Variants in ABCA3 observed in about 807,000 individuals in gnomAD.
The protein encoded by ABCA3 is phospholipid-transporting ATPase ABCA3.
Under a neutral mutation model 172.8 loss-of-function variants are expected in ABCA3, and 88 were observed. The observed-to-expected ratio is 0.51, with a 90% CI of 0.43 to 0.61. ABCA3 has a LOEUF of 0.61. Ranked by LOEUF, ABCA3 falls within the 20% of genes least tolerant of loss-of-function variation. The pLI, the probability that ABCA3 is intolerant of heterozygous loss-of-function variation, is 0.00. For missense variants in ABCA3, 2,164 were observed against 2,301.0 expected (o/e 0.94, Z 1.22); for synonymous variants, 1,066 against 983.8 (o/e 1.08, Z -1.56).
chr16:2,308,455 G>A lies in ABCA3; in HGVS notation c.1280C>T (p.Ala427Val), dbSNP rs772668103. The A allele has an allele frequency of 6.8e-6, 11 of 1,614,110 alleles. No homozygotes were observed. The highest frequency in any genetic ancestry group is 4.5e-5 in the East Asian group (2 of 44,884). Residue 427 changes from alanine (A) to valine (V), a missense_variant, in exon 11 of 33, where the codon GCG (alanine) becomes GTG (valine). By Grantham distance (64) the Ala-to-Val change is moderately conservative. This residue lies in a region of ABCA3 where 1,343 missense variants were observed against 1,369.6 expected (regional missense o/e 0.98). Transcript: ENST00000301732. ...TGGACAAGGCAAACACTCACCTTTC[G>A]CCTCAAATTTCCCAATGAGCTGGGC... ...MGAQLIGKFEAKGMGIQWRDL... is the reference protein window; with the variant it reads ...MGAQLIGKFEVKGMGIQWRDL...
intron 8 of ABCA3, among the ~76,000 whole-genome samples, chr16:2,318,756 G>A (rs1027598399): frequency 1.3e-4 from 20 of 152,010 alleles, no homozygotes; most frequent in African/African-American, 4.3e-4. Context: ...CAAGTGATCC[G>A]CCCACCTCGA....
Position 2,281,177 on chromosome 16 carries a change from G to A in ABCA3, c.4209C>T (p.Ser1403=). ...AGCACTCCCCTTTCTGCACCGCGAG[G>A]GAGAGCCTGTCCACGGCCAGGAGGG... ...RVPLLAVDRL[S]LAVQKGECFG... Residue 1403 remains serine, a synonymous_variant, in exon 28 of 33, where the codon TCC becomes TCT. Coordinates refer to ENST00000301732, the MANE Select transcript of ABCA3 (RefSeq NM_001089.3). This position sits in a 1 kb window ranked among gnomAD's most constrained non-coding sequence, Gnocchi z 4.7. The A allele has an allele frequency of 6.2e-7, 1 of 1,613,688 alleles. No homozygotes were observed. The highest frequency in any genetic ancestry group is 8.5e-7 in the Non-Finnish European group (1 of 1,180,024).
At chr16:2,337,445 G>A (rs536399331) in intron 1 of ABCA3, among the ~76,000 whole-genome samples, 1 of 150,470 alleles carries the variant, frequency 6.6e-6, no homozygotes, top group Admixed American at 6.6e-5. Flanking sequence ...TGTGATCATG[G>A]CTCACTGTAG....
rs780631071 is a variant in ABCA3, at chr16:2,317,412, C to A, written c.991-9G>T. 1.2e-6 allele frequency: 2 copies of A among 1,613,584 alleles called. No homozygotes were observed. The highest frequency in any genetic ancestry group is 1.7e-6 in the Non-Finnish European group (2 of 1,180,006). On this transcript the variant is annotated splice_polypyrimidine_tract_variant and intron_variant, in intron 9 of 32. Coordinates refer to ENST00000301732, the MANE Select transcript of ABCA3 (RefSeq NM_001089.3). The stretch of plus-strand genomic sequence containing the variant: ...GCTACATTTGGCTTCACCTGCAGGG[C>A]ACAGGCATGAGTCGGGCGTGGTGGG...
chr16:2,298,589 C>T, intron 14 of ABCA3, 49 bp from the exon 15 acceptor site: 1 of 1,605,318 alleles, frequency 6.2e-7, no homozygotes, highest in Non-Finnish European at 8.5e-7. Context: ...TCCTGCTCGT[C>T]AGCACCCGCG....
chr16:2,323,659 T>C lies in ABCA3; in HGVS notation c.477A>G (p.Thr159=). The C allele has an allele frequency of 6.2e-7, 1 of 1,614,162 alleles. No individual in the cohort carries two copies. The highest frequency in any genetic ancestry group is 2.2e-5 in the East Asian group (1 of 44,876). ...TTTGGGTCCACATGTAATTTCTCCG[T>C]GTGTAACTGAACCGTAGGTGATATT... ...AVKYHLRFSY[T]RRNYMWTQTG... is the part of the protein sequence containing the mutation. Residue 159 remains threonine (T), a synonymous_variant, in exon 7 of 33, where the codon ACA becomes ACG. Coordinates refer to ENST00000301732, the MANE Select transcript of ABCA3 (RefSeq NM_001089.3).
At chr16:2,318,248 G>A (rs949388806) in intron 8 of ABCA3, among the ~76,000 whole-genome samples, 1 of 152,138 alleles carries the variant, frequency 6.6e-6, no homozygotes, top group Non-Finnish European at 1.5e-5. Context: ...TCTGAAAGGA[G>A]GGGCCCAGAA....
Position 2,297,590 on chromosome 16 carries a change from C to A in ABCA3, c.2053-51G>T, listed in dbSNP as rs765120733. On this transcript the variant is annotated intron_variant, in intron 16 of 32. Transcript: ENST00000301732. This position sits in a 1 kb window ranked among gnomAD's most constrained non-coding sequence, Gnocchi z 5.6. ...ACGCTGGTAGAGCCACACCCCGGGCCCAGGCTGGCCTTGCGGTAGGCCCCA... is the reference window on the plus strand; with the variant it reads ...ACGCTGGTAGAGCCACACCCCGGGCACAGGCTGGCCTTGCGGTAGGCCCCA... The A allele has an allele frequency of 1.2e-6, 2 of 1,605,872 alleles. No homozygotes were observed. Among genetic ancestry groups the A allele is most frequent in the South Asian group, 2.2e-5 (2 of 90,914 alleles).
At chr16:2,338,846 A>G (rs557217029) in intron 1 of ABCA3, among the ~76,000 whole-genome samples, 12 of 150,654 alleles carry the variant, frequency 8.0e-5, no homozygotes, top group South Asian at 4.2e-4. Flanking sequence ...CCTCCACCTA[A>G]TATGTTCAAG....
intron 18 of ABCA3, among the ~76,000 whole-genome samples, chr16:2,292,642 A>G (rs1305208506): frequency 6.6e-6 from 1 of 152,088 alleles, no homozygotes; most frequent in Non-Finnish European, 1.5e-5. Context: ...TAAGGAGGCC[A>G]GGTGCAGTAT....
rs902188894 is a variant in ABCA3, at chr16:2,283,610, G to T, written c.3863-252C>A. 9 of 504,034 alleles carry T rather than the reference G, an allele frequency of 1.8e-5. No individual in the cohort carries two copies. The highest frequency in any genetic ancestry group is 2.9e-5 in the Non-Finnish European group (8 of 275,920). 31.2% of individuals were successfully genotyped at this position (504,034 alleles called of 1,614,324 possible). On this transcript the variant is annotated intron_variant, in intron 25 of 32. Coordinates refer to ENST00000301732, the MANE Select transcript of ABCA3 (RefSeq NM_001089.3). This position sits in a 1 kb window ranked among gnomAD's most constrained non-coding sequence, Gnocchi z 5.4. Reference sequence around the variant, plus strand: ...GACCCAGGGCAGCAACAGCCCGCCTGAGAGGCACAGGCTCTGCGTGAATCC... The same window carrying T: ...GACCCAGGGCAGCAACAGCCCGCCTTAGAGGCACAGGCTCTGCGTGAATCC...
rs2093663134 is a variant in ABCA3 at position 2,286,364 on chromosome 16, A to G, written c.3278+330T>C. On this transcript the variant is annotated intron_variant, in intron 22 of 32. Transcript: ENST00000301732. This position sits in a 1 kb window ranked among gnomAD's most constrained non-coding sequence, Gnocchi z 5.2. ...CTCCATCACCTCAGCTCATGTGCCC[A>G]GCAGGTCACACTGCTGGAGAGAGCA... Among the ~76,000 whole-genome samples, 2 of 152,204 alleles carry G rather than the reference A, an allele frequency of 1.3e-5. No homozygotes were observed. Among genetic ancestry groups the G allele is most frequent in the Non-Finnish European group, 2.9e-5 (2 of 68,034 alleles).
rs570474563 is a variant in ABCA3 at position 2,277,806 on chromosome 16, G to A, written c.4909+73C>T. The stretch of plus-strand genomic sequence containing the variant: ...TGGCGGGGCGAGGCACAGACGCTCC[G>A]CACAGCAGATGGGAGAGGCCTAGGT... On this transcript the variant is annotated intron_variant, in intron 31 of 32. Coordinates refer to ENST00000301732, the MANE Select transcript of ABCA3 (RefSeq NM_001089.3). The surrounding 1 kb of genome is among the most constrained non-coding windows in gnomAD (Gnocchi z 5.3). 6.1e-5 allele frequency: 97 copies of A among 1,597,070 alleles called. No individual in the cohort carries two copies. In the South Asian group the frequency reaches 7.0e-4, roughly 12 times the overall value.
At chr16:2,319,890 G>T (rs375365944) in intron 7 of ABCA3, 50 bp from the exon 8 acceptor site, 1 of 1,608,696 alleles carries the variant, frequency 6.2e-7, no homozygotes, top group South Asian at 1.1e-5. Context: ...AGCTGCTCTC[G>T]AGGGCAGAGG....
Position 2,319,882 on chromosome 16 carries a change from C to G in ABCA3, c.614-42G>C, listed in dbSNP as rs1328849614. 4 of 1,610,882 alleles carry G rather than the reference C, an allele frequency of 2.5e-6. No individual in the cohort carries two copies. In the South Asian group the frequency reaches 4.4e-5, roughly 18 times the overall value. On this transcript the variant is annotated intron_variant, in intron 7 of 32. Coordinates refer to ENST00000301732, the MANE Select transcript of ABCA3 (RefSeq NM_001089.3). ...AGGATGGCCCAGCCACCTCGAGGAGCTGCTCTCGAGGGCAGAGGGCCACGT... is the reference window on the plus strand; with the variant it reads ...AGGATGGCCCAGCCACCTCGAGGAGGTGCTCTCGAGGGCAGAGGGCCACGT...
intron 1 of ABCA3, among the ~76,000 whole-genome samples, chr16:2,338,750 T>A (rs1435625800): frequency 1.4e-5 from 2 of 141,190 alleles, no homozygotes; most frequent in Non-Finnish European, 3.0e-5. Flanking sequence ...GTCCAATTCA[T>A]CTTTTTTTTT....
rs2093649260 is a variant in ABCA3 at position 2,278,021 on chromosome 16, C to T, written c.4767G>A (p.Gln1589=). 6.2e-7 allele frequency: 1 copy of T among 1,613,382 alleles called. No individual in the cohort carries two copies. Among genetic ancestry groups the T allele is most frequent in the Non-Finnish European group, 8.5e-7 (1 of 1,180,026 alleles). ...GGCTGCCCAGGCACTTGAACTGCCC[C>T]TGCACCATGATGGCCAGCCGGGTGC... ...ALCTRLAIMV[Q]GQFKCLGSPQ... Residue 1589 remains glutamine (Q), a synonymous_variant, in exon 31 of 33, where the codon CAG becomes CAA. Transcript: ENST00000301732. The surrounding 1 kb of genome is among the most constrained non-coding windows in gnomAD (Gnocchi z 4.4).
chr16:2,332,799 C>T, intron 1 of ABCA3: 1 of 663,078 alleles, frequency 1.5e-6, no homozygotes, highest in South Asian at 1.9e-5. Context: ...GAATTTGCCA[C>T]CCAATTCCTA....
chr16:2,284,650 GA>G lies in ABCA3; in HGVS notation c.3703+128del. ...TAGCCGGGCAGGGCCAGCTGGGGCA[GA>G]GGGGCTGGTGAGCATGAACTGGGCC... On this transcript the variant is annotated intron_variant, in intron 24 of 32. Transcript: ENST00000301732. The surrounding 1 kb of genome is among the most constrained non-coding windows in gnomAD (Gnocchi z 5.9). 1.4e-5 allele frequency: 17 copies of G among 1,231,870 alleles called. 1 individual carries two copies. The South Asian group carries it at 2.3e-4, about 17-fold the overall frequency. 76.3% of individuals were successfully genotyped at this position (1,231,870 alleles called of 1,614,324 possible).
Sources: allele counts gnomAD v4.1 joint callset (sites outside exome capture counted in the v4.1 genomes callset), GRCh38; gene constraint gnomAD v4.1.1; regional missense constraint gnomAD v4.1.1; non-coding constraint Gnocchi (gnomAD v3.1); transcripts MANE v1.5; gene names NCBI Gene and HGNC (gene_info 2026-07-23, HGNC 2026-07-21).